Variants in PIGX observed in about 807,000 individuals in gnomAD.
The protein encoded by PIGX is GPI alpha-1,4-mannosyltransferase I, stabilizing subunit.
Under a neutral mutation model 28.7 loss-of-function variants are expected in PIGX, and 24 were observed. The observed-to-expected ratio is 0.84, with a 90% CI of 0.60 to 1.17. The LOEUF is 1.17. PIGX is among the 50% of genes most tolerant of loss of function. The pLI is 0.00. For synonymous variants in PIGX, 127 were observed against 121.0 expected, an observed-to-expected ratio of 1.05 and a Z score of -0.33; for missense variants, 305 against 317.8, an observed-to-expected ratio of 0.96 and a Z score of 0.31.
intron 4 of PIGX, chr3:196,728,403 T>A: frequency 1.7e-6 from 1 of 587,934 alleles, no homozygotes. Flanking sequence ...TGTCATCTCC[T>A]TCCCTCTAAG....
intron 1 of PIGX, among the ~76,000 whole-genome samples, chr3:196,716,116 A>G (rs1712087410): frequency 6.6e-6 from 1 of 152,126 alleles, no homozygotes; most frequent in Non-Finnish European, 1.5e-5. Flanking sequence ...GGGTTCAAGC[A>G]ATCCTCCCAC....
At position 196,729,055 on chromosome 3, in the gene PIGX, C is replaced by T. The variant is rs188139825; in HGVS notation, c.532+919C>T. On this transcript the variant is annotated intron_variant, in intron 4 of 5. Transcript: ENST00000392391. The stretch of plus-strand genomic sequence containing the variant: ...AAACTGAAAAATCAGCTTTTGCTGC[C>T]GGGCGAGGTGGCTCACGCCTGTAAC... 2.7e-4 allele frequency among the ~76,000 whole-genome samples: 41 copies of T among 152,166 alleles called. No individual in the cohort carries two copies. The East Asian group carries it at 6.2e-3, about 23-fold the overall frequency.
At chr3:196,722,256 A>T (rs1437893054) in intron 2 of PIGX, among the ~76,000 whole-genome samples, 159 bp from the exon 3 acceptor site, 1 of 152,226 alleles carries the variant, frequency 6.6e-6, no homozygotes, top group Non-Finnish European at 1.5e-5. Flanking sequence ...GATCTAATGG[A>T]TGATTCTGAC....
chr3:196,728,617 C>A, intron 4 of PIGX: 1 of 759,662 alleles, frequency 1.3e-6, no homozygotes, highest in South Asian at 1.4e-5. Context: ...GAACCTGGGC[C>A]ATTTGACCTG....
chr3:196,714,142 C>T (rs1035128112), intron 1 of PIGX, among the ~76,000 whole-genome samples: 1 of 152,152 alleles, frequency 6.6e-6, no homozygotes, highest in Non-Finnish European at 1.5e-5. Context: ...CCACCCTACC[C>T]CCATTAAAAT....
At chr3:196,730,026 C>T (rs936012474) in intron 4 of PIGX, among the ~76,000 whole-genome samples, 11 of 149,756 alleles carry the variant, frequency 7.3e-5, no homozygotes, top group East Asian at 2.0e-4. Flanking sequence ...GCTGAGATCG[C>T]GCCACTGCAG....
chr3:196,717,088 C>T lies in PIGX; in HGVS notation c.176+167C>T, dbSNP rs556512586. Among the ~76,000 whole-genome samples, 90 of 152,156 alleles carry T rather than the reference C, an allele frequency of 5.9e-4. 1 individual carries two copies. Among genetic ancestry groups the T allele is most frequent in the African/African-American group, 2.0e-3 (85 of 41,512 alleles). ...GGCCGAGGCAGGCGGATCACAAGGT[C>T]AGGAGTTTGATACCAGCCTGGCCAA... On this transcript the variant is annotated intron_variant, in intron 2 of 5. Coordinates refer to ENST00000392391, the MANE Select transcript of PIGX (RefSeq NM_017861.4).
Position 196,730,555 on chromosome 3 carries a change from C to T in PIGX, c.533-437C>T, listed in dbSNP as rs537851465. ...ACGAGGTCAGGAGTTCAAGACCATCCTGGCCAAGATGGTGAAACCCGATCT... is the reference window on the plus strand; with the variant it reads ...ACGAGGTCAGGAGTTCAAGACCATCTTGGCCAAGATGGTGAAACCCGATCT... On this transcript the variant is annotated intron_variant, in intron 4 of 5. Coordinates refer to ENST00000392391, the MANE Select transcript of PIGX (RefSeq NM_017861.4). Among the ~76,000 whole-genome samples the T allele has an allele frequency of 6.3e-4, 96 of 151,992 alleles. No homozygotes were observed. The South Asian group carries it at 0.02, about 31-fold the overall frequency.
chr3:196,712,590 A>G lies in PIGX; in HGVS notation c.58A>G (p.Thr20Ala). The G allele has an allele frequency of 8.4e-7, 1 of 1,191,144 alleles. No individual in the cohort carries two copies. The highest frequency in any genetic ancestry group is 1.0e-6 in the Non-Finnish European group (1 of 961,892). The allele number at this position is 1,191,144 out of a possible 1,614,324, so 73.8% of individuals were successfully genotyped here. ...CGCCTGGCTGCTCCTCGGGGCGGCGACCGGGCTCACGCGCGGGCCCGCCGC... is the reference window on the plus strand; with the variant it reads ...CGCCTGGCTGCTCCTCGGGGCGGCGGCCGGGCTCACGCGCGGGCCCGCCGC... The change falls in exon 1 of 6, where the codon ACC becomes GCC. Residue 20 changes from threonine to alanine, a missense_variant. By Grantham distance (58) the Thr-to-Ala change is moderately conservative (BLOSUM62 0). Transcript: ENST00000392391.
chr3:196,731,768 T>C (rs1712765403), intron 5 of PIGX, among the ~76,000 whole-genome samples: 1 of 152,198 alleles, frequency 6.6e-6, no homozygotes, highest in African/African-American at 2.4e-5. Flanking sequence ...AATTAGTGTG[T>C]ATTGCTACAA....
intron 5 of PIGX, among the ~76,000 whole-genome samples, chr3:196,732,218 A>ATATT (rs1553797096): frequency 6.3e-5 from 1 of 15,874 alleles, no homozygotes; most frequent in Non-Finnish European, 1.0e-4. Context: ...TATATTATTT[A>ATATT]TATATATATA....
intron 2 of PIGX, among the ~76,000 whole-genome samples, chr3:196,722,185 T>C (rs1299052548): frequency 1.3e-5 from 2 of 152,262 alleles, no homozygotes; most frequent in Non-Finnish European, 2.9e-5. Flanking sequence ...CCATTCCTTT[T>C]CATTGATCTT....
chr3:196,712,526 C>T lies in PIGX; in HGVS notation c.-7C>T. The T allele has an allele frequency of 1.7e-6, 2 of 1,159,828 alleles. No homozygotes were observed. Among genetic ancestry groups the T allele is most frequent in the Non-Finnish European group, 2.1e-6 (2 of 940,390 alleles). 71.8% of individuals were successfully genotyped at this position (1,159,828 alleles called of 1,614,324 possible). On this transcript the variant is annotated 5_prime_UTR_variant, in exon 1 of 6. Coordinates refer to ENST00000392391, the MANE Select transcript of PIGX (RefSeq NM_017861.4). ...GCGCCCCTCTCGGGCGTCCGGCTTCCGGCGTCCTGGCGGCTCGGGTGGCGG... is the reference window on the plus strand; with the variant it reads ...GCGCCCCTCTCGGGCGTCCGGCTTCTGGCGTCCTGGCGGCTCGGGTGGCGG...
At position 196,719,583 on chromosome 3, in the gene PIGX, A is replaced by G. The variant is rs778831032; in HGVS notation, c.176+2662A>G. Among the ~76,000 whole-genome samples the G allele has an allele frequency of 1.7e-4, 26 of 152,134 alleles. 1 individual carries two copies. Among genetic ancestry groups the G allele is most frequent in the Non-Finnish European group, 8.8e-5 (6 of 68,040 alleles). Reference sequence around the variant, plus strand: ...GTTACCTATCACAGTCTACCTTCAAATAATTTTATTCCATGTCACAGATAC... The same window carrying G: ...GTTACCTATCACAGTCTACCTTCAAGTAATTTTATTCCATGTCACAGATAC... On this transcript the variant is annotated intron_variant, in intron 2 of 5. Transcript: ENST00000392391.
In PIGX at chr3:196,728,024, C is replaced by G. The variant is rs1376187385; in HGVS notation, c.420C>G (p.Asp140Glu). The G allele has an allele frequency of 5.0e-6, 8 of 1,614,066 alleles. No homozygotes were observed. The highest frequency in any genetic ancestry group is 6.8e-6 in the Non-Finnish European group (8 of 1,179,922). The change falls in exon 4 of 6, where the codon GAC (aspartate) becomes GAG (glutamate). Residue 140 changes from aspartate (D) to glutamate (E), a missense_variant. Transcript: ENST00000392391. ...CCAGACGAGATTCACAGTGCATTGA[C>G]TGTTTTCAAGCCTTTTTGCCTGTGC...
At position 196,733,405 on chromosome 3, in the gene PIGX, TTTTA is replaced by T. The variant is rs1026466424; in HGVS notation, c.634-334_634-331del. Among the ~76,000 whole-genome samples the T allele has an allele frequency of 1.3e-5, 2 of 151,950 alleles. No homozygotes were observed. The highest frequency in any genetic ancestry group is 2.4e-5 in the African/African-American group (1 of 41,376). ...TATGACATTTATTTTATTTTACTAT[TTTTA>T]TTTATTTATTTATTTATTTGAGACA... is the stretch of plus-strand genomic sequence containing the variant. On this transcript the variant is annotated intron_variant, in intron 5 of 5. Coordinates refer to ENST00000392391, the MANE Select transcript of PIGX (RefSeq NM_017861.4). The surrounding 1 kb of genome is among the most constrained non-coding windows in gnomAD (Gnocchi z 4.3).
chr3:196,713,504 G>A (rs1209524526), intron 1 of PIGX, among the ~76,000 whole-genome samples: 1 of 151,698 alleles, frequency 6.6e-6, no homozygotes, highest in Admixed American at 6.6e-5. Flanking sequence ...ACGGGGTTTC[G>A]CCGTATTGGT....
chr3:196,728,397 A>G (rs573586033), intron 4 of PIGX: 2 of 586,972 alleles, frequency 3.4e-6, no homozygotes, highest in East Asian at 2.8e-5. Flanking sequence ...CCCAACTGTC[A>G]TCTCCTTCCC....
rs578145124 is a variant in PIGX, at chr3:196,734,884, G to A, written c.*982G>A. 12 of 152,250 alleles carry A rather than the reference G, an allele frequency of 7.9e-5. No homozygotes were observed. Among genetic ancestry groups the A allele is most frequent in the Admixed American group, 2.0e-4 (3 of 15,278 alleles). The allele number at this position is 152,250 out of a possible 1,614,324, so 9.4% of individuals were successfully genotyped here. ...AACTCAGATTGCCATTTTAAATAAAGTTGTACATGAACAATAATTGGAATC... is the reference window on the plus strand; with the variant it reads ...AACTCAGATTGCCATTTTAAATAAAATTGTACATGAACAATAATTGGAATC... On this transcript the variant is annotated 3_prime_UTR_variant, in exon 6 of 6. Coordinates refer to ENST00000392391, the MANE Select transcript of PIGX (RefSeq NM_017861.4).
Sources: allele counts gnomAD v4.1 joint callset (sites outside exome capture counted in the v4.1 genomes callset), GRCh38; gene constraint gnomAD v4.1.1; non-coding constraint Gnocchi (gnomAD v3.1); transcripts MANE v1.5; gene names NCBI Gene and HGNC (gene_info 2026-07-23, HGNC 2026-07-21).